Variants in PRPF8 observed in about 807,000 individuals in gnomAD.
The protein encoded by PRPF8 is pre-mRNA-processing-splicing factor 8.
Under a neutral mutation model 285.9 loss-of-function variants are expected in PRPF8, and 64 were observed. The observed-to-expected ratio is 0.22, with a 90% CI of 0.18 to 0.28. The LOEUF is 0.28. Among genes scored for constraint, PRPF8 ranks in the 10% least tolerant of loss-of-function variants. PRPF8 has a pLI of 1.00. For missense variants in PRPF8, 1,426 were observed against 3,026.7 expected, an observed-to-expected ratio of 0.47 and a Z score of 12.41; for synonymous variants, 1,325 against 1,118.2, an observed-to-expected ratio of 1.18 and a Z score of -3.69.
At chr17:1,657,203 T>G (rs189261327) in intron 34 of PRPF8, among the ~76,000 whole-genome samples, 5 of 152,196 alleles carry the variant, frequency 3.3e-5, no homozygotes, top group African/African-American at 1.2e-4. Flanking sequence ...GAATGTAAGA[T>G]GAAACATGCT....
At chr17:1,669,095 G>A (rs980274810) in intron 24 of PRPF8, among the ~76,000 whole-genome samples, 30 of 151,992 alleles carry the variant, frequency 2.0e-4, no homozygotes, top group African/African-American at 7.2e-4. Context: ...CTGCACCTCT[G>A]CTCATCAATT....
In PRPF8 at chr17:1,658,188, C is replaced by G; in HGVS notation, c.5505+65G>C. 1 of 1,610,834 alleles carries G rather than the reference C, an allele frequency of 6.2e-7. No individual in the cohort carries two copies. Among genetic ancestry groups the G allele is most frequent in the East Asian group, 2.2e-5 (1 of 44,872 alleles). On this transcript the variant is annotated intron_variant, in intron 34 of 42. Transcript: ENST00000304992. This position sits in a 1 kb window ranked among gnomAD's most constrained non-coding sequence, Gnocchi z 4.1. The stretch of plus-strand genomic sequence containing the variant: ...CATCTAATAAACCAGTAAATATTAC[C>G]AAGTCCACCCCAAGAATAAGAGGCA...
chr17:1,663,882 T>C (rs920605851), intron 24 of PRPF8, among the ~76,000 whole-genome samples: 1 of 152,066 alleles, frequency 6.6e-6, no homozygotes, highest in Admixed American at 6.6e-5. Context: ...CTTCAGACCA[T>C]GGAATGTTAT....
chr17:1,653,967 C>T lies in PRPF8; in HGVS notation c.6037G>A (p.Gly2013Ser). ...TGTGACGGTGCCGAGATCTCCATAC[C>T]CAGGATGATGTCTCGAATTTCTGAT... ...TQSEIRDIIL[G>S]MEISAPSQQR... The change falls in exon 38 of 43, where the codon GGT (glycine) becomes AGT (serine). Residue 2013 changes from glycine to serine, a missense_variant. Around this residue, in one of 34 missense-constraint regions of PRPF8, gnomAD observed 160 missense variants for 373.7 expected, o/e 0.43. Coordinates refer to ENST00000304992, the MANE Select transcript of PRPF8 (RefSeq NM_006445.4). The surrounding 1 kb of genome is among the most constrained non-coding windows in gnomAD (Gnocchi z 4.9). The T allele has an allele frequency of 6.2e-7, 1 of 1,614,182 alleles. No homozygotes were observed. Among genetic ancestry groups the T allele is most frequent in the Non-Finnish European group, 8.5e-7 (1 of 1,180,040 alleles).
In PRPF8 at chr17:1,673,859, T is replaced by C. The variant is rs200478727; in HGVS notation, c.3333A>G (p.Gln1111=). The C allele has an allele frequency of 2.7e-5, 43 of 1,613,920 alleles. No individual in the cohort carries two copies. The highest frequency in any genetic ancestry group is 4.5e-5 in the East Asian group (2 of 44,868). ...FTADEARDLI[Q]RYLTEHPDPN... ...GGTCAGGGTGCTCTGTCAGGTAACG[T>C]TGAATCAGGTCCCGAGCCTCATCTG... The change falls in exon 22 of 43, where the codon CAA becomes CAG. Residue 1111 remains glutamine (Q), a synonymous_variant. Coordinates refer to ENST00000304992, the MANE Select transcript of PRPF8 (RefSeq NM_006445.4). This position sits in a 1 kb window ranked among gnomAD's most constrained non-coding sequence, Gnocchi z 5.5.
chr17:1,676,694 C>A lies in PRPF8; in HGVS notation c.2199G>T (p.Thr733=), dbSNP rs777885967. The A allele has an allele frequency of 6.2e-7, 1 of 1,614,026 alleles. No individual in the cohort carries two copies. Among genetic ancestry groups the A allele is most frequent in the Admixed American group, 1.7e-5 (1 of 60,010 alleles). Residue 733 remains threonine (T), a synonymous_variant, in exon 16 of 43, where the codon ACG becomes ACT. Coordinates refer to ENST00000304992, the MANE Select transcript of PRPF8 (RefSeq NM_006445.4). This position sits in a 1 kb window ranked among gnomAD's most constrained non-coding sequence, Gnocchi z 6.3. ...ATCGAAGGATCATATTCTCTATGGG[C>A]GTCGGCAGCCCAGGGACCTAAAAGT... The part of the protein sequence containing the change: ...NIPWKVPGLP[T]PIENMILRYV...
rs1379365503 is a variant in PRPF8, at chr17:1,682,279, A to G, written c.284T>C (p.Met95Thr). The G allele has an allele frequency of 6.2e-7, 1 of 1,614,050 alleles. No homozygotes were observed. Among genetic ancestry groups the G allele is most frequent in the African/African-American group, 1.3e-5 (1 of 74,922 alleles). The part of the protein sequence containing the change: ...KRVYLGALKY[M>T]PHAVLKLLEN... ...CAGGAGTTTGAGGACTGCGTGGGGC[A>G]TGTACTTTAGGGCACTGGCACATTA... Residue 95 changes from methionine (M) to threonine (T), a missense_variant, in exon 4 of 43, where the codon ATG becomes ACG. This residue lies in a region of PRPF8 where 96 missense variants were observed against 188.3 expected (regional missense o/e 0.51). Transcript: ENST00000304992.
Position 1,651,079 on chromosome 17 carries a change from C to T in PRPF8, c.6853+29G>A. The T allele has an allele frequency of 2.5e-6, 4 of 1,614,044 alleles. No individual in the cohort carries two copies. Among genetic ancestry groups the T allele is most frequent in the Non-Finnish European group, 2.5e-6 (3 of 1,179,896 alleles). On this transcript the variant is annotated intron_variant, in intron 42 of 42. Coordinates refer to ENST00000304992, the MANE Select transcript of PRPF8 (RefSeq NM_006445.4). The surrounding 1 kb of genome is among the most constrained non-coding windows in gnomAD (Gnocchi z 5.1). ...GGCCTCACCTTATCCCTACTGCTAT[C>T]CCCACATCCCCAGGCTCCTCCCACT...
chr17:1,678,418 G>A, intron 13 of PRPF8, 100 bp downstream of exon 13: 11 of 1,469,274 alleles, frequency 7.5e-6, no homozygotes, highest in African/African-American at 1.4e-5. Flanking sequence ...AGGAGGCGGA[G>A]GTTGCAGTGA....
chr17:1,658,847 GAA>G lies in PRPF8; in HGVS notation c.5139-86_5139-85del, dbSNP rs767160302. Reference sequence around the variant, plus strand: ...ACAAGCTGCCAACTCTACAGAGGAAGAAAGACTGTTCGCCAGGCTGACAACAC... The same window carrying G: ...ACAAGCTGCCAACTCTACAGAGGAAGAGACTGTTCGCCAGGCTGACAACAC... On this transcript the variant is annotated intron_variant, in intron 32 of 42. Coordinates refer to ENST00000304992, the MANE Select transcript of PRPF8 (RefSeq NM_006445.4). The surrounding 1 kb of genome is among the most constrained non-coding windows in gnomAD (Gnocchi z 4.1). The G allele has an allele frequency of 8.2e-7, 1 of 1,216,922 alleles. No individual in the cohort carries two copies. Among genetic ancestry groups the G allele is most frequent in the Admixed American group, 1.7e-5 (1 of 58,156 alleles). 75.4% of individuals were successfully genotyped at this position (1,216,922 alleles called of 1,614,324 possible).
intron 8 of PRPF8, chr17:1,680,422 A>C: frequency 2.1e-6 from 1 of 473,336 alleles, no homozygotes; most frequent in African/African-American, 2.0e-5. Flanking sequence ...CTTGTATGGT[A>C]TGTTAACTAC....
At chr17:1,669,089 A>C (rs1028176898) in intron 24 of PRPF8, among the ~76,000 whole-genome samples, 4 of 151,870 alleles carry the variant, frequency 2.6e-5, no homozygotes, top group Non-Finnish European at 5.9e-5. Flanking sequence ...GACCCTCTGC[A>C]CCTCTGCTCA....
chr17:1,659,461 G>C lies in PRPF8; in HGVS notation c.5034C>G (p.Arg1678=). 10 of 1,614,144 alleles carry C rather than the reference G, an allele frequency of 6.2e-6. No homozygotes were observed. The highest frequency in any genetic ancestry group is 8.5e-6 in the Non-Finnish European group (10 of 1,180,030). ...WGDYDSHDIE[R]YARAKFLDYT... ...AGTCCAGGAACTTGGCCCGGGCGTA[G>C]CGCTCAATGTCGTGGGAATCATAGT... is the stretch of plus-strand genomic sequence containing the variant. Residue 1678 remains arginine, a synonymous_variant, in exon 32 of 43, where the codon CGC becomes CGG. Transcript: ENST00000304992. This position sits in a 1 kb window ranked among gnomAD's most constrained non-coding sequence, Gnocchi z 5.1.
At chr17:1,683,752 T>C in intron 2 of PRPF8, 51 bp from the exon 3 acceptor site, 2 of 1,606,902 alleles carry the variant, frequency 1.2e-6, no homozygotes, top group Non-Finnish European at 1.7e-6. Flanking sequence ...CCTAATCCTC[T>C]TCACCTCTTG....
chr17:1,677,774 A>C (rs1366549200), intron 13 of PRPF8, 80 bp from the exon 14 acceptor site: 3 of 1,565,676 alleles, frequency 1.9e-6, no homozygotes, highest in Non-Finnish European at 2.6e-6. Flanking sequence ...GAGGTGGGGC[A>C]TATATGTATA....
intron 2 of PRPF8, 87 bp from the exon 3 acceptor site, chr17:1,683,788 G>T: frequency 6.6e-7 from 1 of 1,519,566 alleles, no homozygotes; most frequent in Non-Finnish European, 9.0e-7. Context: ...CTGTCAGTGA[G>T]TGTGAGGGAG....
intron 7 of PRPF8, 40 bp from the exon 8 acceptor site, chr17:1,680,871 T>C (rs1206848823): frequency 1.2e-6 from 2 of 1,614,108 alleles, no homozygotes; most frequent in Non-Finnish European, 1.7e-6. Flanking sequence ...TTTCCCGCCC[T>C]GGCCCAACCT....
intron 24 of PRPF8, among the ~76,000 whole-genome samples, chr17:1,667,433 T>G: frequency 6.6e-6 from 1 of 152,122 alleles, no homozygotes; most frequent in East Asian, 1.9e-4. Flanking sequence ...GAAAATAATA[T>G]TTACTCAGGT....
intron 3 of PRPF8, among the ~76,000 whole-genome samples, chr17:1,682,760 C>T (rs1388499429): frequency 1.3e-5 from 2 of 152,194 alleles, no homozygotes; most frequent in Admixed American, 1.3e-4. Context: ...ATAAACAAAA[C>T]TTCCAGTTCA....
Sources: gnomAD v4.1 joint callset for allele counts (sites outside exome capture counted in the v4.1 genomes callset) on GRCh38, gnomAD v4.1.1 for gene constraint, gnomAD v4.1.1 regional missense constraint, Gnocchi (gnomAD v3.1) non-coding constraint, MANE v1.5 for transcripts, NCBI Gene and HGNC (gene_info 2026-07-23, HGNC 2026-07-21) for gene names.